PTPN7: variants seen among roughly 807,000 people sequenced by gnomAD.
PTPN7 encodes the protein protein tyrosine phosphatase non-receptor type 7, also known as tyrosine-protein phosphatase non-receptor type 7.
PTPN7 carries 33 observed loss-of-function variants against 50.3 expected under a neutral mutation model. The observed-to-expected ratio is 0.66, with a 90% CI of 0.50 to 0.88. The LOEUF (loss-of-function observed/expected upper bound fraction) is 0.88. Ranked by LOEUF, PTPN7 falls within the 40% of genes least tolerant of loss-of-function variation. The probability of loss-of-function intolerance (pLI) is 0.00; values close to 1 mark genes in which losing one functional copy is unlikely to be tolerated. For synonymous variants in PTPN7, 185 were observed against 186.6 expected, an observed-to-expected ratio of 0.99 and a Z score of 0.07; for missense variants, 412 against 475.4, an observed-to-expected ratio of 0.87 and a Z score of 1.24.
At chr1:202,150,586 C>T (rs1231951194) in intron 8 of PTPN7, among the ~76,000 whole-genome samples, 162 bp from the exon 9 acceptor site, 1 of 152,202 alleles carries the variant, frequency 6.6e-6, no homozygotes, top group African/African-American at 2.4e-5. Context: ...TTCCAGTCCC[C>T]TTGGGGGCCC....
At chr1:202,149,439 A>G (rs1655681570) in intron 9 of PTPN7, among the ~76,000 whole-genome samples, 1 of 152,232 alleles carries the variant, frequency 6.6e-6, no homozygotes, top group Non-Finnish European at 1.5e-5. Context: ...ACATTTTCAT[A>G]TAAGTTAACT....
At position 202,160,336 on chromosome 1, in the gene PTPN7, T is replaced by C. The variant is rs111712737; in HGVS notation, c.-53+209A>G. Reference sequence around the variant, plus strand: ...GGTCTCTGGTAGCAGAAAAGGTCCCTTCAGCCTCTGCTCTCCTTGTAGCTC... The same window carrying C: ...GGTCTCTGGTAGCAGAAAAGGTCCCCTCAGCCTCTGCTCTCCTTGTAGCTC... On this transcript the variant is annotated intron_variant, in intron 1 of 9. Coordinates refer to ENST00000691036, the MANE Select transcript of PTPN7 (RefSeq NM_002832.4). This position sits in a 1 kb window ranked among gnomAD's most constrained non-coding sequence, Gnocchi z 4.8. Among the ~76,000 whole-genome samples the C allele has an allele frequency of 0.012, 1,875 of 152,166 alleles. 40 individuals are homozygous for C. Among genetic ancestry groups the C allele is most frequent in the African/African-American group, 0.042 (1,763 of 41,508 alleles).
At chr1:202,156,610 G>C (rs998526054) in intron 4 of PTPN7, among the ~76,000 whole-genome samples, 9 of 152,220 alleles carry the variant, frequency 5.9e-5, no homozygotes, top group Admixed American at 5.2e-4. Context: ...GGAATCTCAG[G>C]CAAAGGAATT....
At chr1:202,155,345 G>A (rs186525374) in intron 5 of PTPN7, among the ~76,000 whole-genome samples, 188 bp downstream of exon 5, 13 of 152,220 alleles carry the variant, frequency 8.5e-5, no homozygotes, top group Admixed American at 2.0e-4. Context: ...CATCTGCTCC[G>A]TTTTTTAGGT....
chr1:202,154,106 AG>A, intron 6 of PTPN7, 79 bp downstream of exon 6: 1 of 1,559,050 alleles, frequency 6.4e-7, no homozygotes, highest in Non-Finnish European at 8.7e-7. Context: ...TCTGGTTCTG[AG>A]CTGCCCTGTG....
chr1:202,155,029 T>A (rs948855515), intron 5 of PTPN7, among the ~76,000 whole-genome samples: 1 of 152,106 alleles, frequency 6.6e-6, no homozygotes, highest in Non-Finnish European at 1.5e-5. Flanking sequence ...TGCTTTTACA[T>A]CTCCTTAGGG....
upstream of PTPN7, chr1:202,161,209 G>A (rs944723675): frequency 3.2e-5 from 36 of 1,112,846 alleles, no homozygotes; most frequent in Admixed American, 4.6e-4. Flanking sequence ...CAAAAAGGTC[G>A]TCTCCACGCC....
Position 202,148,287 on chromosome 1 carries a change from C to T in PTPN7, c.*319G>A, listed in dbSNP as rs576466850. The T allele has an allele frequency of 3.9e-6, 1 of 259,428 alleles. No individual in the cohort carries two copies. Among genetic ancestry groups the T allele is most frequent in the African/African-American group, 2.2e-5 (1 of 45,328 alleles). 16.1% of individuals were successfully genotyped at this position (259,428 alleles called of 1,614,324 possible). The stretch of plus-strand genomic sequence containing the variant: ...CTCACAAAGAGTGTCTCAGAGAACA[C>T]CAGGACACCTGGGCTTCTTTCTTTG... On this transcript the variant is annotated 3_prime_UTR_variant, in exon 10 of 10. Coordinates refer to ENST00000691036, the MANE Select transcript of PTPN7 (RefSeq NM_002832.4).
intron 2 of PTPN7, chr1:202,158,855 C>A (rs1428132061): frequency 5.9e-6 from 1 of 170,742 alleles, no homozygotes; most frequent in Non-Finnish European, 1.2e-5. Context: ...AATTCCTGGA[C>A]TCAGGAGATC....
intron 8 of PTPN7, among the ~76,000 whole-genome samples, chr1:202,150,654 T>C (rs541087949): frequency 4.6e-5 from 7 of 152,330 alleles, no homozygotes; most frequent in African/African-American, 1.2e-4. Flanking sequence ...CCAGCCTTAC[T>C]GTAAGCCTGT....
Position 202,154,324 on chromosome 1 carries a change from C to T in PTPN7, c.469-1G>A. On this transcript the variant is annotated splice_acceptor_variant, in intron 5 of 9. Coordinates refer to ENST00000691036, the MANE Select transcript of PTPN7 (RefSeq NM_002832.4). LOFTEE classifies it high-confidence loss of function. ...AGACCTTCTCCTTCCCGTCATAGCC[C>T]TGGAAGGTGGAAGCACAGGGGAAGG... 2 of 1,610,552 alleles carry T rather than the reference C, an allele frequency of 1.2e-6. No individual in the cohort carries two copies. The highest frequency in any genetic ancestry group is 1.7e-6 in the Non-Finnish European group (2 of 1,178,032).
chr1:202,160,876 AGCC>A, upstream of PTPN7: 1 of 1,470,828 alleles, frequency 6.8e-7, no homozygotes, highest in South Asian at 1.4e-5. The surrounding 1 kb of genome is among the most constrained non-coding windows in gnomAD (Gnocchi z 4.8). Context: ...TGTCACATCC[AGCC>A]GCTGCCTACT....
At chr1:202,149,401 C>T (rs948436490) in intron 9 of PTPN7, among the ~76,000 whole-genome samples, 5 of 152,156 alleles carry the variant, frequency 3.3e-5, no homozygotes, top group African/African-American at 1.2e-4. Context: ...TGATTCCATA[C>T]ATTTGTATAG....
Position 202,150,402 on chromosome 1 carries a change from A to C in PTPN7, c.898T>G (p.Cys300Gly), listed in dbSNP as rs774362006. ...HCSAGIGRTGCFIATRIGCQQ... is the reference protein window; with the variant it reads ...HCSAGIGRTGGFIATRIGCQQ... ...CAGCCAATTCGCGTGGCGATGAAGC[A>C]GCCCGTCCGGCCAATCCCTGCACTG... Residue 300 changes from cysteine (C) to glycine (G), a missense_variant, in exon 9 of 10, where the codon TGC becomes GGC. Transcript: ENST00000691036. 8.1e-6 allele frequency: 13 copies of C among 1,610,228 alleles called. No homozygotes were observed. Among genetic ancestry groups the C allele is most frequent in the Non-Finnish European group, 1.0e-5 (12 of 1,178,162 alleles).
In PTPN7 at chr1:202,159,681, T is replaced by A; in HGVS notation, c.-52-227A>T. 3 of 1,381,652 alleles carry A rather than the reference T, an allele frequency of 2.2e-6. No homozygotes were observed. The highest frequency in any genetic ancestry group is 5.1e-5 in the East Asian group (2 of 39,290). The allele number at this position is 1,381,652 out of a possible 1,614,324, so 85.6% of individuals were successfully genotyped here. ...CAAGATAAAGGGTAGAGATTGTGGA[T>A]GAAGATAGGAAAGAATCCAGAAGGA... On this transcript the variant is annotated intron_variant, in intron 1 of 9. Transcript: ENST00000691036. The surrounding 1 kb of genome is among the most constrained non-coding windows in gnomAD (Gnocchi z 4.6).
intron 7 of PTPN7, 72 bp from the exon 8 acceptor site, chr1:202,152,771 G>A: frequency 6.5e-7 from 1 of 1,542,876 alleles, no homozygotes; most frequent in Non-Finnish European, 8.9e-7. Flanking sequence ...TCTGGTGCCT[G>A]AGGAGGGCAA....
chr1:202,160,113 A>G lies in PTPN7; in HGVS notation c.-53+432T>C. The G allele has an allele frequency of 2.1e-6, 1 of 470,992 alleles. No homozygotes were observed. The highest frequency in any genetic ancestry group is 2.8e-6 in the Non-Finnish European group (1 of 354,174). The allele number at this position is 470,992 out of a possible 1,614,324, so 29.2% of individuals were successfully genotyped here. A position where few individuals can be genotyped will look rare whatever the true frequency, so the allele number is the denominator to read the frequency against. On this transcript the variant is annotated intron_variant, in intron 1 of 9. Transcript: ENST00000691036. The surrounding 1 kb of genome is among the most constrained non-coding windows in gnomAD (Gnocchi z 4.8). ...TGGCCTCACCAAGCCCTTGAACGAC[A>G]GCGCATGGTGAGGCGACAGCTGGGG...
At chr1:202,150,734 AACAG>A (rs1655913364) in intron 8 of PTPN7, among the ~76,000 whole-genome samples, 1 of 152,118 alleles carries the variant, frequency 6.6e-6, no homozygotes, top group African/African-American at 2.4e-5. Context: ...AGTGGTTTCC[AACAG>A]ACAGTTTCCC....
intron 3 of PTPN7, 57 bp downstream of exon 3, chr1:202,158,061 G>T: frequency 6.7e-7 from 1 of 1,503,580 alleles, no homozygotes; most frequent in Non-Finnish European, 9.0e-7. Context: ...AATGGTTCCA[G>T]CTGGCTGCCT....
Sources: allele counts gnomAD v4.1 joint callset (sites outside exome capture counted in the v4.1 genomes callset), GRCh38; gene constraint gnomAD v4.1.1; non-coding constraint Gnocchi (gnomAD v3.1); transcripts MANE v1.5; gene names NCBI Gene and HGNC (gene_info 2026-07-23, HGNC 2026-07-21).